The following IPMK variants were observed in gnomAD, a reference collection of about 807,000 sequenced individuals.
IPMK encodes the protein inositol 1,3,4,6-tetrakisphosphate 5-kinase.
IPMK carries 17 observed loss-of-function variants against 45.8 expected under a neutral mutation model. That is an observed-to-expected ratio of 0.37 (90% confidence interval 0.25 to 0.56). The LOEUF (loss-of-function observed/expected upper bound fraction) is 0.56, where lower values mean the gene tolerates loss of function less well. IPMK is among the 20% of genes least tolerant of loss of function. The probability of loss-of-function intolerance (pLI) is 0.79; values close to 1 mark genes in which losing one functional copy is unlikely to be tolerated. For missense variants in IPMK, 399 were observed against 498.0 expected (o/e 0.80, Z 1.89); for synonymous variants, 180 against 184.3 (o/e 0.98, Z 0.19).
intron 1 of IPMK, among the ~76,000 whole-genome samples, chr10:58,260,982 G>C (rs1215331046): frequency 6.6e-6 from 1 of 151,828 alleles, no homozygotes; most frequent in East Asian, 1.9e-4. Flanking sequence ...AATAGTAAGT[G>C]GGATGCATGA....
chr10:58,210,951 A>C (rs1260022938), intron 4 of IPMK, among the ~76,000 whole-genome samples: 1 of 152,220 alleles, frequency 6.6e-6, no homozygotes, highest in Non-Finnish European at 1.5e-5. Context: ...TGGAAGATGC[A>C]CATTAGCCCT....
chr10:58,216,328 A>C lies in IPMK; in HGVS notation c.374-11T>G, dbSNP rs756735519. Reference sequence around the variant, plus strand: ...GTTTTAGGTATAAATCTGTTATTAAAGAAAAATATTAATTAGTAATAGGCA... The same window carrying C: ...GTTTTAGGTATAAATCTGTTATTAACGAAAAATATTAATTAGTAATAGGCA... On this transcript the variant is annotated splice_polypyrimidine_tract_variant and intron_variant, in intron 3 of 5. Transcript: ENST00000373935. The C allele has an allele frequency of 6.5e-6, 9 of 1,388,036 alleles. No individual in the cohort carries two copies. In the Admixed American group the frequency reaches 1.8e-4, roughly 28 times the overall value. The allele number at this position is 1,388,036 out of a possible 1,614,324, so 86.0% of individuals were successfully genotyped here. A position where few individuals can be genotyped will look rare whatever the true frequency, so the allele number is the denominator to read the frequency against.
chr10:58,263,521 TAA>T (rs57830906), intron 1 of IPMK, among the ~76,000 whole-genome samples: 3 of 145,022 alleles, frequency 2.1e-5, no homozygotes, highest in Non-Finnish European at 1.5e-5. Context: ...AAGACTCCGT[TAA>T]AAAAAAAAAA....
At chr10:58,203,237 A>C (rs993586964) in intron 4 of IPMK, among the ~76,000 whole-genome samples, 1 of 152,222 alleles carries the variant, frequency 6.6e-6, no homozygotes, top group Non-Finnish European at 1.5e-5. Context: ...TAGAATTAAG[A>C]CTGAAGGCTG....
chr10:58,211,500 C>T (rs916614390), intron 4 of IPMK, among the ~76,000 whole-genome samples: 2 of 152,004 alleles, frequency 1.3e-5, no homozygotes, highest in East Asian at 1.9e-4. Context: ...GCTGACTACC[C>T]GGTCTCTAAT....
In IPMK at chr10:58,213,664, C is replaced by T. The variant is rs555715926; in HGVS notation, c.546+2481G>A. ...ATGCGACACTGCACTTCAGCCTGGG[C>T]GACAGAGCGAGACTCCGTCTCAAAA... is the stretch of plus-strand genomic sequence containing the variant. On this transcript the variant is annotated intron_variant, in intron 4 of 5. Transcript: ENST00000373935. Among the ~76,000 whole-genome samples, 50 of 144,808 alleles carry T rather than the reference C, an allele frequency of 3.5e-4. No homozygotes were observed. In the East Asian group the frequency reaches 9.4e-3, roughly 27 times the overall value. 95.0% of individuals were successfully genotyped at this position (144,808 alleles called of 152,430 possible). A position where few individuals can be genotyped will look rare whatever the true frequency, so the allele number is the denominator to read the frequency against.
intron 2 of IPMK, 96 bp from the exon 3 acceptor site, chr10:58,227,235 T>C (rs1255315984): frequency 2.4e-5 from 22 of 909,190 alleles, no homozygotes; most frequent in Non-Finnish European, 3.7e-5. Context: ...TTATAATTCA[T>C]CTGGTATGGC....
intron 1 of IPMK, among the ~76,000 whole-genome samples, chr10:58,245,056 A>AC (rs572913536): frequency 2.1e-5 from 3 of 143,004 alleles, no homozygotes; most frequent in African/African-American, 8.2e-5. Context: ...AAAAAAAAAA[A>AC]AATAATAAAA....
chr10:58,244,913 G>T (rs960077733), intron 1 of IPMK, among the ~76,000 whole-genome samples: 1 of 152,008 alleles, frequency 6.6e-6, no homozygotes, highest in African/African-American at 2.4e-5. Flanking sequence ...GCCAAAGGCC[G>T]CAGGGACCTC....
intron 1 of IPMK, among the ~76,000 whole-genome samples, chr10:58,249,584 T>C (rs1838853613): frequency 6.6e-6 from 1 of 152,216 alleles, no homozygotes; most frequent in African/African-American, 2.4e-5. Flanking sequence ...GTTGGTTCTT[T>C]ATACATTCTG....
At chr10:58,239,187 T>C (rs1218178611) in intron 1 of IPMK, among the ~76,000 whole-genome samples, 1 of 152,088 alleles carries the variant, frequency 6.6e-6, no homozygotes, top group East Asian at 1.9e-4. Flanking sequence ...GGCCTAGATA[T>C]AGAATAGAAG....
At chr10:58,238,022 A>G (rs568775830) in intron 1 of IPMK, among the ~76,000 whole-genome samples, 2 of 152,278 alleles carry the variant, frequency 1.3e-5, no homozygotes, top group Admixed American at 6.5e-5. Context: ...AAATGTCTTC[A>G]TTTTAGTGTC....
chr10:58,209,633 C>A (rs1164781222), intron 4 of IPMK, among the ~76,000 whole-genome samples: 1 of 152,214 alleles, frequency 6.6e-6, no homozygotes. Context: ...ATAACAGCAC[C>A]TGCTCTAGTG....
At chr10:58,210,030 T>C (rs60860315) in intron 4 of IPMK, among the ~76,000 whole-genome samples, 12,885 of 151,494 alleles carry the variant, frequency 0.085, 790 homozygotes, top group African/African-American at 0.17. Context: ...TCAGGGCAGG[T>C]AGAGAAAAAC....
At chr10:58,223,062 G>A (rs2590310) in intron 3 of IPMK, among the ~76,000 whole-genome samples, 51,504 of 151,910 alleles carry the variant, frequency 0.34, 10,968 homozygotes, top group African/African-American at 0.61. Context: ...CTGCTCTGGC[G>A]ATGGGTGCAC....
intron 5 of IPMK, among the ~76,000 whole-genome samples, chr10:58,196,992 T>C (rs1837904961): frequency 6.6e-6 from 1 of 152,214 alleles, no homozygotes; most frequent in Non-Finnish European, 1.5e-5. Flanking sequence ...CTTCTCTCAC[T>C]ATATTCTCTT....
chr10:58,237,680 ACT>A lies in IPMK; in HGVS notation c.276+47_276+48del, dbSNP rs755769916. 71 of 1,373,368 alleles carry A rather than the reference ACT, an allele frequency of 5.2e-5. No homozygotes were observed. In the African/African-American group the frequency reaches 9.6e-4, roughly 18 times the overall value. The allele number at this position is 1,373,368 out of a possible 1,614,324, so 85.1% of individuals were successfully genotyped here. On this transcript the variant is annotated intron_variant, in intron 2 of 5. Transcript: ENST00000373935. ...TCTTACTGTGAGTCACCACCAGAAA[ACT>A]CTGAAAAACACTTTGAAGACAACAA... is the stretch of plus-strand genomic sequence containing the variant.
intron 2 of IPMK, among the ~76,000 whole-genome samples, chr10:58,236,677 G>A (rs1053873797): frequency 4.6e-5 from 7 of 152,170 alleles, no homozygotes; most frequent in African/African-American, 1.7e-4. Flanking sequence ...GGCAGAGGCA[G>A]GAGGATCGCT....
chr10:58,215,887 C>T (rs118017271), intron 4 of IPMK, among the ~76,000 whole-genome samples: 4 of 151,986 alleles, frequency 2.6e-5, no homozygotes, highest in Non-Finnish European at 4.4e-5. Flanking sequence ...AATTATAGTC[C>T]TGAGATTCAG....
Sources: allele counts gnomAD v4.1 joint callset (sites outside exome capture counted in the v4.1 genomes callset), GRCh38; gene constraint gnomAD v4.1.1; transcripts MANE v1.5; gene names NCBI Gene and HGNC (gene_info 2026-07-23, HGNC 2026-07-21).